RALGDS: variants seen among roughly 807,000 people sequenced by gnomAD.
RALGDS encodes the protein ral guanine nucleotide dissociation stimulator, also known as ral guanine nucleotide exchange factor.
In RALGDS, 44 loss-of-function variants were observed where a neutral mutation model predicts 99.8. That is an observed-to-expected ratio of 0.44 (90% CI 0.35 to 0.57). The LOEUF is 0.57. Among genes scored for constraint, RALGDS ranks in the 20% least tolerant of loss-of-function variants. The probability of loss-of-function intolerance (pLI) is 0.01; values close to 1 mark genes in which losing one functional copy is unlikely to be tolerated. For synonymous variants in RALGDS, 529 were observed against 505.0 expected (o/e 1.05, Z -0.64); for missense variants, 1,022 against 1,203.1 (o/e 0.85, Z 2.23).
chr9:133,105,826 CCCCCGCCCCA>C lies in RALGDS; in HGVS notation c.1602+96_1602+105del, dbSNP rs1830998722. On this transcript the variant is annotated intron_variant, in intron 9 of 17. Coordinates refer to ENST00000372050, the MANE Select transcript of RALGDS (RefSeq NM_006266.4). Reference sequence around the variant, plus strand: ...CGAATGCCACCGCCCGCCGCCCCAGCCCCCGCCCCAGCCCCCGCCCCAGCCCCCGCCCCAG... The same window carrying C: ...CGAATGCCACCGCCCGCCGCCCCAGCGCCCCCGCCCCAGCCCCCGCCCCAG... The C allele has an allele frequency of 2.4e-5, 4 of 169,154 alleles. 1 individual carries two copies. The highest frequency in any genetic ancestry group is 2.4e-4 in the African/African-American group (4 of 16,944). The allele number at this position is 169,154 out of a possible 1,614,324, so 10.5% of individuals were successfully genotyped here. A position where few individuals can be genotyped will look rare whatever the true frequency, so the allele number is the denominator to read the frequency against.
intron 16 of RALGDS, chr9:133,100,979 A>ATCTG: frequency 9.5e-7 from 1 of 1,047,474 alleles, no homozygotes; most frequent in East Asian, 8.2e-5. Flanking sequence ...CAAATGGTTC[A>ATCTG]TCTGTCGCAG....
intron 1 of RALGDS, among the ~76,000 whole-genome samples, chr9:133,129,830 C>T (rs113729407): frequency 0.066 from 4,992 of 76,150 alleles, 286 homozygotes; most frequent in African/African-American, 0.18. Flanking sequence ...TTTTTTTTTT[C>T]CCTGAGATGG....
At chr9:133,102,435 C>T (rs772474543) in intron 14 of RALGDS, 41 bp downstream of exon 14, 17 of 1,588,556 alleles carry the variant, frequency 1.1e-5, no homozygotes, top group Admixed American at 1.7e-5. Flanking sequence ...GCTTCTGAGC[C>T]CCAAGGCAGC....
intron 1 of RALGDS, among the ~76,000 whole-genome samples, chr9:133,117,352 G>A (rs748981999): frequency 1.3e-5 from 2 of 152,216 alleles, no homozygotes; most frequent in Non-Finnish European, 2.9e-5. Context: ...TCCCAGCATA[G>A]CTCTCTTCTC....
chr9:133,107,880 T>G, intron 6 of RALGDS, 108 bp downstream of exon 6: 1 of 1,406,500 alleles, frequency 7.1e-7, no homozygotes, highest in Non-Finnish European at 9.9e-7. Context: ...GCAGCAGAGC[T>G]GGGATTTGAC....
intron 1 of RALGDS, among the ~76,000 whole-genome samples, chr9:133,115,531 G>A (rs925028392): frequency 1.3e-5 from 2 of 152,174 alleles, no homozygotes; most frequent in Non-Finnish European, 1.5e-5. Context: ...TCACAGTTCT[G>A]GCCCACCAGA....
chr9:133,103,649 T>C, intron 11 of RALGDS, 98 bp downstream of exon 11: 1 of 1,241,836 alleles, frequency 8.1e-7, no homozygotes, highest in South Asian at 1.2e-5. Context: ...CACTGAGCTG[T>C]TTACTCATTG....
At chr9:133,124,630 A>G (rs1832090404), upstream of RALGDS, among the ~76,000 whole-genome samples, 1 of 152,244 alleles carries the variant, frequency 6.6e-6, no homozygotes, top group Non-Finnish European at 1.5e-5. Context: ...TGCCCCCCTA[A>G]TGAAGGCACA....
At chr9:133,103,572 G>C in intron 11 of RALGDS, 175 bp downstream of exon 11, 3 of 764,958 alleles carry the variant, frequency 3.9e-6, no homozygotes, top group Non-Finnish European at 6.9e-6. Context: ...GGGATGGGCT[G>C]TGTCCCACTC....
In RALGDS at chr9:133,101,926, G is replaced by A. The variant is rs1830777616; in HGVS notation, c.2211+12C>T. On this transcript the variant is annotated intron_variant, in intron 15 of 17. Coordinates refer to ENST00000372050, the MANE Select transcript of RALGDS (RefSeq NM_006266.4). ...ATGGGAAAGGATATTGGGGAGAAGGGCAGGCAGTCACCTTCTTTTCCTGGC... is the reference window on the plus strand; with the variant it reads ...ATGGGAAAGGATATTGGGGAGAAGGACAGGCAGTCACCTTCTTTTCCTGGC... 3 of 1,550,878 alleles carry A rather than the reference G, an allele frequency of 1.9e-6. No homozygotes were observed. The highest frequency in any genetic ancestry group is 3.9e-5 in the Admixed American group (2 of 50,996).
chr9:133,138,420 G>C (rs1281952033), intron 1 of RALGDS, among the ~76,000 whole-genome samples: 1 of 152,166 alleles, frequency 6.6e-6, no homozygotes, highest in East Asian at 1.9e-4. Context: ...GCCTGACAAA[G>C]GACAGCAAGG....
At chr9:133,114,202 G>T (rs1165108466) in intron 1 of RALGDS, among the ~76,000 whole-genome samples, 1 of 152,226 alleles carries the variant, frequency 6.6e-6, no homozygotes, top group Non-Finnish European at 1.5e-5. Flanking sequence ...TGAGAGCCAT[G>T]CATGCTTGGG....
chr9:133,101,461 G>A, intron 16 of RALGDS, 59 bp downstream of exon 16: 1 of 1,606,214 alleles, frequency 6.2e-7, no homozygotes, highest in Non-Finnish European at 8.5e-7. Flanking sequence ...GGTGCACTGT[G>A]TTCAGGGTGC....
At chr9:133,138,517 G>C (rs1207690690) in intron 1 of RALGDS, among the ~76,000 whole-genome samples, 1 of 152,250 alleles carries the variant, frequency 6.6e-6, no homozygotes, top group Non-Finnish European at 1.5e-5. Context: ...GGGTGTGCCA[G>C]GCAGTGGCTG....
intron 1 of RALGDS, among the ~76,000 whole-genome samples, chr9:133,147,126 C>T (rs1215792172): frequency 1.3e-5 from 2 of 152,150 alleles, no homozygotes; most frequent in African/African-American, 2.4e-5. Context: ...CTCACTTGGG[C>T]CACACTGGCC....
chr9:133,101,356 G>T, intron 16 of RALGDS, 164 bp downstream of exon 16: 1 of 1,518,138 alleles, frequency 6.6e-7, no homozygotes, highest in Non-Finnish European at 9.0e-7. Flanking sequence ...CCTCAGGCCA[G>T]CCTTGTCCCT....
intron 16 of RALGDS, chr9:133,101,175 G>C: frequency 8.3e-7 from 1 of 1,202,888 alleles, no homozygotes; most frequent in South Asian, 1.7e-5. Flanking sequence ...ACCAGACAGA[G>C]AAGCCAGCCA....
chr9:133,103,247 A>G lies in RALGDS; in HGVS notation c.1774T>C (p.Phe592Leu). ...KDYLYGRLIN[F>L]EKRRKEFEVI... is the part of the protein sequence containing the mutation. ...CTGCTTACCTTCCTCCTCTTCTCAA[A>G]GTTGATGAGTCTGCCCTGGAAGGTG... The change falls in exon 12 of 18, where the codon TTT becomes CTT. Residue 592 changes from phenylalanine (F) to leucine (L), a missense_variant. By Grantham distance (22) the Phe-to-Leu change is conservative. Transcript: ENST00000372050. 6.2e-7 allele frequency: 1 copy of G among 1,613,890 alleles called. No homozygotes were observed. Among genetic ancestry groups the G allele is most frequent in the Non-Finnish European group, 8.5e-7 (1 of 1,179,996 alleles).
At chr9:133,109,865 T>C (rs896881036) in intron 3 of RALGDS, 144 bp from the exon 4 acceptor site, 7 of 709,924 alleles carry the variant, frequency 9.9e-6, no homozygotes, top group Non-Finnish European at 1.7e-5. Context: ...GCTTCATATA[T>C]ATTTGTTCAA....
Sources: gnomAD v4.1 joint callset for allele counts (sites outside exome capture counted in the v4.1 genomes callset) on GRCh38, gnomAD v4.1.1 for gene constraint, MANE v1.5 for transcripts, NCBI Gene and HGNC (gene_info 2026-07-23, HGNC 2026-07-21) for gene names.